Variants in NRXN3 observed in about 807,000 individuals in gnomAD.
NRXN3 encodes neurexin III.
A neutral mutation model predicts 137.6 loss-of-function variants in NRXN3; 32 were observed. The ratio of observed to expected loss-of-function variants is 0.23; its 90% CI spans 0.18 to 0.31. The LOEUF (loss-of-function observed/expected upper bound fraction) is 0.31, where lower values mean the gene tolerates loss of function less well. Among genes scored for constraint, NRXN3 ranks in the 10% least tolerant of loss-of-function variants. The pLI, the probability that NRXN3 is intolerant of heterozygous loss-of-function variation, is 1.00. For missense variants in NRXN3, 1,574 were observed against 2,062.5 expected, an observed-to-expected ratio of 0.76 and a Z score of 4.59; for synonymous variants, 798 against 784.5, an observed-to-expected ratio of 1.02 and a Z score of -0.29.
intron 4 of NRXN3, among the ~76,000 whole-genome samples, chr14:78,381,088 G>A (rs1200029232): frequency 6.6e-6 from 1 of 152,148 alleles, no homozygotes; most frequent in East Asian, 1.9e-4. Context: ...TGGAGCAATT[G>A]CATATCCACT....
intron 15 of NRXN3, among the ~76,000 whole-genome samples, chr14:79,138,915 A>AT (rs756288990): frequency 1.1e-4 from 17 of 152,266 alleles, no homozygotes; most frequent in Non-Finnish European, 1.9e-4. Flanking sequence ...AAGCAGAAGA[A>AT]ATTAGACAAA....
chr14:78,720,795 AAC>A (rs1487737565), intron 8 of NRXN3, among the ~76,000 whole-genome samples: 1 of 152,212 alleles, frequency 6.6e-6, no homozygotes, highest in African/African-American at 2.4e-5. Context: ...CTATATTCTC[AAC>A]ACAGTCTATC....
intron 6 of NRXN3, among the ~76,000 whole-genome samples, chr14:78,660,582 A>G (rs953651353): frequency 1.3e-5 from 2 of 152,110 alleles, no homozygotes; most frequent in Admixed American, 6.5e-5. Flanking sequence ...GTGGTGTTAA[A>G]CTAAGCTTCT....
At chr14:78,445,609 A>G (rs1401965105) in intron 4 of NRXN3, among the ~76,000 whole-genome samples, 2 of 152,150 alleles carry the variant, frequency 1.3e-5, no homozygotes, top group East Asian at 1.9e-4. Flanking sequence ...CAGCTTTATT[A>G]TCTTAAAGCA....
chr14:79,564,848 A>G (rs2097532667), intron 16 of NRXN3, among the ~76,000 whole-genome samples: 1 of 152,156 alleles, frequency 6.6e-6, no homozygotes, highest in South Asian at 2.1e-4. Context: ...AGCCAGGTTG[A>G]GAACATAAGG....
intron 8 of NRXN3, among the ~76,000 whole-genome samples, chr14:78,746,099 G>T (rs991702302): frequency 6.6e-6 from 1 of 152,158 alleles, no homozygotes; most frequent in African/African-American, 2.4e-5. Flanking sequence ...AAAAGGACTG[G>T]TATTGACAGG....
intron 15 of NRXN3, among the ~76,000 whole-genome samples, chr14:79,336,169 C>T (rs906648103): frequency 9.2e-5 from 14 of 152,132 alleles, no homozygotes; most frequent in Admixed American, 5.9e-4. Context: ...GTCTAAGTAA[C>T]AGGGACTAAT....
At chr14:78,416,075 C>T (rs760474619) in intron 4 of NRXN3, among the ~76,000 whole-genome samples, 6 of 152,126 alleles carry the variant, frequency 3.9e-5, no homozygotes, top group African/African-American at 1.4e-4. Context: ...AATGCGGATT[C>T]AAGGGGAGGG....
At chr14:79,299,870 G>C (rs959105170) in intron 15 of NRXN3, among the ~76,000 whole-genome samples, 2 of 152,012 alleles carry the variant, frequency 1.3e-5, no homozygotes, top group African/African-American at 4.8e-5. Context: ...CAAGAAATAT[G>C]ATGGCATGAA....
chr14:79,764,348 G>T (rs1358834033), intron 19 of NRXN3, among the ~76,000 whole-genome samples: 1 of 152,172 alleles, frequency 6.6e-6, no homozygotes, highest in Non-Finnish European at 1.5e-5. Flanking sequence ...TCCCCAAAGA[G>T]TGACTCAGCC....
At chr14:78,244,177 C>T (rs1247220097) in intron 2 of NRXN3, among the ~76,000 whole-genome samples, 3 of 152,184 alleles carry the variant, frequency 2.0e-5, no homozygotes, top group Non-Finnish European at 4.4e-5. Flanking sequence ...CACCTGTAAT[C>T]CTAGCACTTT....
chr14:79,024,807 C>T (rs2099595425), intron 15 of NRXN3, among the ~76,000 whole-genome samples: 1 of 152,292 alleles, frequency 6.6e-6, no homozygotes, highest in East Asian at 1.9e-4. Flanking sequence ...TGCTCCTACA[C>T]ACAAGGTACC....
At chr14:78,963,186 A>C (rs2099411521) in intron 11 of NRXN3, among the ~76,000 whole-genome samples, 1 of 152,052 alleles carries the variant, frequency 6.6e-6, no homozygotes, top group Admixed American at 6.6e-5. Context: ...TTGCTATGAA[A>C]AATTAATTTT....
At chr14:79,600,913 G>A (rs575080335) in intron 16 of NRXN3, among the ~76,000 whole-genome samples, 1 of 152,076 alleles carries the variant, frequency 6.6e-6, no homozygotes, top group Admixed American at 6.6e-5. Context: ...GGAAGGGATG[G>A]TATGAAAGGA....
chr14:78,812,428 A>T (rs1025813308), intron 10 of NRXN3, among the ~76,000 whole-genome samples: 1 of 152,218 alleles, frequency 6.6e-6, no homozygotes, highest in Non-Finnish European at 1.5e-5. Context: ...CCGAAGCTAC[A>T]TCTAGCATCT....
chr14:79,062,833 A>C (rs2099675851), intron 15 of NRXN3, among the ~76,000 whole-genome samples: 2 of 152,226 alleles, frequency 1.3e-5, no homozygotes, highest in Admixed American at 1.3e-4. Flanking sequence ...AAAATATAAA[A>C]CACGAAACAA....
intron 15 of NRXN3, among the ~76,000 whole-genome samples, chr14:79,060,336 T>A (rs377449741): frequency 1.3e-5 from 2 of 152,236 alleles, no homozygotes; most frequent in African/African-American, 4.8e-5. Flanking sequence ...CTGTTTTTAG[T>A]TGAATACTTC....
intron 4 of NRXN3, among the ~76,000 whole-genome samples, chr14:78,544,291 C>T (rs1200794882): frequency 2.0e-5 from 3 of 152,208 alleles, no homozygotes; most frequent in Non-Finnish European, 4.4e-5. Flanking sequence ...TAGCATCTCT[C>T]CTCACTGAGA....
intron 1 of NRXN3, among the ~76,000 whole-genome samples, chr14:78,192,835 C>T (rs780431784): frequency 3.3e-5 from 5 of 152,140 alleles, no homozygotes; most frequent in South Asian, 2.1e-4. Flanking sequence ...CTTGAACCTT[C>T]GCATTTTTCT....
Sources: gnomAD v4.1 joint callset for allele counts (sites outside exome capture counted in the v4.1 genomes callset) on GRCh38, gnomAD v4.1.1 for gene constraint, MANE v1.5 for transcripts, NCBI Gene and HGNC (gene_info 2026-07-23, HGNC 2026-07-21) for gene names.